SP110: variants seen among roughly 807,000 people sequenced by gnomAD.
The protein encoded by SP110 is SP110 nuclear body protein.
A neutral mutation model predicts 92.7 loss-of-function variants in SP110; 62 were observed. The observed-to-expected ratio is 0.67, with a 90% CI of 0.55 to 0.83. SP110 has a LOEUF of 0.83. SP110 is among the 40% of genes least tolerant of loss of function. SP110 has a pLI of 0.00. For synonymous variants in SP110, 273 were observed against 305.3 expected (o/e 0.89, Z 1.10); for missense variants, 793 against 863.9 (o/e 0.92, Z 1.03).
At chr2:230,178,992 T>C (rs1411415630) in intron 12 of SP110, among the ~76,000 whole-genome samples, 2 of 152,034 alleles carry the variant, frequency 1.3e-5, no homozygotes, top group Non-Finnish European at 2.9e-5. Flanking sequence ...TGGGGAGAAA[T>C]GAAGGGGCTG....
At chr2:230,218,171 C>T (rs2045433866) in intron 1 of SP110, among the ~76,000 whole-genome samples, 1 of 152,250 alleles carries the variant, frequency 6.6e-6, no homozygotes, top group African/African-American at 2.4e-5. Context: ...ATCAACTTGA[C>T]AGTTTTTAAC....
intron 12 of SP110, among the ~76,000 whole-genome samples, chr2:230,181,384 C>T (rs559639233): frequency 2.0e-5 from 3 of 152,314 alleles, no homozygotes; most frequent in East Asian, 1.9e-4. Context: ...ACTGACCTCA[C>T]GTGACTTTCA....
At chr2:230,185,832 C>G (rs1386802953) in intron 11 of SP110, among the ~76,000 whole-genome samples, 162 bp downstream of exon 11, 1 of 152,198 alleles carries the variant, frequency 6.6e-6, no homozygotes, top group African/African-American at 2.4e-5. Context: ...TTCCAACAAC[C>G]ACTGTCACAT....
intron 11 of SP110, among the ~76,000 whole-genome samples, chr2:230,185,158 G>C (rs1242691468): frequency 6.6e-6 from 1 of 152,220 alleles, no homozygotes; most frequent in Non-Finnish European, 1.5e-5. Context: ...TCTGCAGACA[G>C]AGCAGCCTCT....
rs2106346656 is a variant in SP110, at chr2:230,171,719, A to G, written c.1864T>C (p.Phe622Leu). The G allele has an allele frequency of 1.2e-6, 2 of 1,613,712 alleles. No individual in the cohort carries two copies. Among genetic ancestry groups the G allele is most frequent in the Non-Finnish European group, 1.7e-6 (2 of 1,179,570 alleles). ...ACATTAAATGGGATGCCCGTAAAAA[A>G]GGAGCTTTGTGGATGACAGTAGGCC... Reference protein sequence around the residue: ...LKAYCHPQSSFFTGIPFNIRD... With the variant: ...LKAYCHPQSSLFTGIPFNIRD... The change falls in exon 17 of 19, where the codon TTT becomes CTT. Residue 622 changes from phenylalanine (F) to leucine (L), a missense_variant. By Grantham distance (22) the Phe-to-Leu change is conservative. Transcript: ENST00000258381.
At chr2:230,203,928 C>T (rs951496511) in intron 8 of SP110, among the ~76,000 whole-genome samples, 1 of 152,110 alleles carries the variant, frequency 6.6e-6, no homozygotes, top group African/African-American at 2.4e-5. Flanking sequence ...GTGATGGTTG[C>T]ACAACATTGT....
chr2:230,199,983 T>G (rs2043059191), intron 10 of SP110, among the ~76,000 whole-genome samples: 1 of 152,180 alleles, frequency 6.6e-6, no homozygotes, highest in Non-Finnish European at 1.5e-5. Context: ...TTTCCATATC[T>G]TAATTTCCTC....
chr2:230,222,229 C>CA (rs1204772131), upstream of SP110, among the ~76,000 whole-genome samples: 1,672 of 77,072 alleles, frequency 0.022, 13 homozygotes, highest in East Asian at 0.084. Flanking sequence ...GATCCCGCCT[C>CA]AAAAAAAAAA....
At chr2:230,184,837 T>G (rs1270231034) in intron 11 of SP110, among the ~76,000 whole-genome samples, 2 of 152,162 alleles carry the variant, frequency 1.3e-5, no homozygotes, top group Non-Finnish European at 2.9e-5. Flanking sequence ...CTGTGGTAAT[T>G]CACGATCCTC....
chr2:230,215,263 G>T (rs2044983454), intron 2 of SP110, 145 bp from the exon 3 acceptor site: 2 of 688,382 alleles, frequency 2.9e-6, no homozygotes, highest in Non-Finnish European at 4.9e-6. Context: ...ATTCTCTAAG[G>T]TAGAGCGGTC....
intron 1 of SP110, among the ~76,000 whole-genome samples, chr2:230,219,130 C>T (rs1311431641): frequency 6.6e-6 from 1 of 152,198 alleles, no homozygotes; most frequent in Non-Finnish European, 1.5e-5. Context: ...GAGGCTGAGG[C>T]AGGAGAATCG....
upstream of SP110, chr2:230,221,802 A>G (rs1025361572): frequency 2.4e-5 from 32 of 1,314,044 alleles, no homozygotes; most frequent in African/African-American, 3.6e-4. Flanking sequence ...GAGATACACC[A>G]GGCAAATGCA....
chr2:230,220,423 A>C (rs1421046349), upstream of SP110, among the ~76,000 whole-genome samples: 2 of 152,192 alleles, frequency 1.3e-5, no homozygotes, highest in African/African-American at 2.4e-5. Context: ...CAAAAAAACA[A>C]AGAGAATGTG....
Position 230,214,822 on chromosome 2 carries a change from A to C in SP110, c.316+128T>G, listed in dbSNP as rs554283705. 1.6e-5 allele frequency: 12 copies of C among 772,096 alleles called. No individual in the cohort carries two copies. The East Asian group carries it at 3.1e-4, about 20-fold the overall frequency. 47.8% of individuals were successfully genotyped at this position (772,096 alleles called of 1,614,324 possible). ...CTCCTGCAGCTGTACCAATGAGAGA[A>C]TATGGTCCATTCCACCCCAGAGAGA... is the stretch of plus-strand genomic sequence containing the variant. On this transcript the variant is annotated intron_variant, in intron 3 of 18. Coordinates refer to ENST00000258381, the MANE Select transcript of SP110 (RefSeq NM_080424.4).
chr2:230,212,724 G>C (rs2044632922), intron 4 of SP110, 37 bp downstream of exon 4: 2 of 1,612,630 alleles, frequency 1.2e-6, no homozygotes, highest in Admixed American at 3.3e-5. Context: ...ACCTTAGGCT[G>C]AGGATATACA....
chr2:230,206,219 G>A (rs1191901378), intron 8 of SP110, among the ~76,000 whole-genome samples: 3 of 152,028 alleles, frequency 2.0e-5, no homozygotes, highest in African/African-American at 2.4e-5. Context: ...GTCTACATAT[G>A]TTATCACCTC....
rs751342654 is a variant in SP110, at chr2:230,172,118, C to T, written c.1763G>A (p.Cys588Tyr). 5 of 1,613,702 alleles carry T rather than the reference C, an allele frequency of 3.1e-6. No homozygotes were observed. The highest frequency in any genetic ancestry group is 2.2e-5 in the East Asian group (1 of 44,894). ...CTCCAGGGTCTTAGATACATGATGG[C>T]ACTGTTGGCTTCCTGAAGACCTCTT... Reference protein sequence around the residue: ...RMKRSSGSQQCHHVSKTLERQ... With the variant: ...RMKRSSGSQQYHHVSKTLERQ... Residue 588 changes from cysteine (C) to tyrosine (Y), a missense_variant, in exon 16 of 19, where the codon TGC becomes TAC. Transcript: ENST00000258381.
chr2:230,202,774 G>A (rs201638051), intron 8 of SP110, 46 bp from the exon 9 acceptor site: 29 of 1,594,894 alleles, frequency 1.8e-5, no homozygotes, highest in Non-Finnish European at 2.5e-5. Flanking sequence ...GGGGTCTTCA[G>A]TGAGCCTCCT....
Position 230,169,081 on chromosome 2 carries a change from C to T in SP110, c.*43G>A, listed in dbSNP as rs1219573126. On this transcript the variant is annotated 3_prime_UTR_variant, in exon 19 of 19. Transcript: ENST00000258381. ...ACAGTCCAAGCCAGGGTCCCATCAG[C>T]TGAATCCTGAGGTGGGGATGCTTCA... 3.8e-6 allele frequency: 5 copies of T among 1,314,634 alleles called. No homozygotes were observed. Among genetic ancestry groups the T allele is most frequent in the Non-Finnish European group, 5.5e-6 (5 of 907,390 alleles). The allele number at this position is 1,314,634 out of a possible 1,614,324, so 81.4% of individuals were successfully genotyped here.
Sources: allele counts gnomAD v4.1 joint callset (sites outside exome capture counted in the v4.1 genomes callset), GRCh38; gene constraint gnomAD v4.1.1; transcripts MANE v1.5; gene names NCBI Gene and HGNC (gene_info 2026-07-23, HGNC 2026-07-21).